The following CCDC157 variants were observed in gnomAD, a reference collection of about 807,000 sequenced individuals.
The protein encoded by CCDC157 is coiled-coil domain-containing protein 157.
A neutral mutation model predicts 70.9 loss-of-function variants in CCDC157; 60 were observed. The ratio of observed to expected loss-of-function variants is 0.85; its 90% CI spans 0.69 to 1.05. The LOEUF (loss-of-function observed/expected upper bound fraction) is 1.05, where lower values mean the gene tolerates loss of function less well. Ranked by LOEUF, CCDC157 falls within the 50% of genes least tolerant of loss-of-function variation. CCDC157 has a pLI of 0.00. For synonymous variants in CCDC157, 373 were observed against 422.4 expected, an observed-to-expected ratio of 0.88 and a Z score of 1.43; for missense variants, 943 against 984.2, an observed-to-expected ratio of 0.96 and a Z score of 0.56.
At chr22:30,375,188 A>AC in intron 9 of CCDC157, 1 of 336,538 alleles carries the variant, frequency 3.0e-6, no homozygotes, top group Non-Finnish European at 5.6e-6. Context: ...TGATCTCTTG[A>AC]CTTAATGATC....
chr22:30,358,423 T>G (rs1210188066), intron 1 of CCDC157, among the ~76,000 whole-genome samples: 1 of 152,230 alleles, frequency 6.6e-6, no homozygotes, highest in East Asian at 1.9e-4. Flanking sequence ...GTCTTATTCC[T>G]CTACTAGTGC....
Position 30,377,819 on chromosome 22 carries a change from AGC to A in CCDC157, c.*1075_*1076del. ...CTCAAGTCCAGGGGAAGGACCTCAC[AGC>A]TGAGTAGCTCTCTCAGGCGCCCACC... is the stretch of plus-strand genomic sequence containing the variant. On this transcript the variant is annotated 3_prime_UTR_variant, in exon 12 of 12. Transcript: ENST00000338306. The A allele has an allele frequency of 6.6e-6, 2 of 300,798 alleles. No homozygotes were observed. Among genetic ancestry groups the A allele is most frequent in the South Asian group, 2.9e-5 (1 of 34,966 alleles). The allele number at this position is 300,798 out of a possible 1,614,324, so 18.6% of individuals were successfully genotyped here.
chr22:30,375,823 AG>A, intron 10 of CCDC157, 160 bp downstream of exon 10: 1 of 659,626 alleles, frequency 1.5e-6, no homozygotes, highest in Admixed American at 3.1e-5. Flanking sequence ...AGAAGGCGTG[AG>A]GATGTTATGG....
rs757942184 is a variant in CCDC157, at chr22:30,370,790, C to T, written c.885C>T (p.Ala295=). 4.2e-5 allele frequency: 68 copies of T among 1,613,336 alleles called. No individual in the cohort carries two copies. The highest frequency in any genetic ancestry group is 5.3e-5 in the Non-Finnish European group (63 of 1,180,020). The change falls in exon 5 of 12, where the codon GCC becomes GCT. Residue 295 remains alanine, a synonymous_variant. Transcript: ENST00000338306. ...GTAAGCATGTGGAGGCCCTCAGGGC[C>T]CAGCTGGAGGAGGCTGAAGGGCAGA... is the stretch of plus-strand genomic sequence containing the variant. ...RLSKHVEALR[A]QLEEAEGQKD...
At position 30,378,325 on chromosome 22, in the gene CCDC157, T is replaced by C. The variant is rs558161160; in HGVS notation, c.*1580T>C. 1.9e-5 allele frequency: 6 copies of C among 318,558 alleles called. No homozygotes were observed. The highest frequency in any genetic ancestry group is 8.3e-5 in the East Asian group (1 of 11,992). The allele number at this position is 318,558 out of a possible 1,614,324, so 19.7% of individuals were successfully genotyped here. ...CTTGCTATAAGACAGAACCCAACCA[T>C]GGGCATAAAATCCCTTTGAGAAGCC... On this transcript the variant is annotated 3_prime_UTR_variant, in exon 12 of 12. Transcript: ENST00000338306.
rs1678718712 is a variant in CCDC157, at chr22:30,378,271, C to T, written c.*1526C>T. 1.2e-5 allele frequency: 5 copies of T among 414,564 alleles called. No homozygotes were observed. The Admixed American group carries it at 1.4e-4, about 11-fold the overall frequency. 25.7% of individuals were successfully genotyped at this position (414,564 alleles called of 1,614,324 possible). On this transcript the variant is annotated 3_prime_UTR_variant, in exon 12 of 12. Transcript: ENST00000338306. ...TCATGTGGTTAGGGCAAGGCTCACA[C>T]TCAAATACTTTCCCTATCTTCAGGT... is the stretch of plus-strand genomic sequence containing the variant.
rs4820838 is a variant in CCDC157, at chr22:30,373,912, G to T, written c.1504-11G>T. On this transcript the variant is annotated splice_polypyrimidine_tract_variant and intron_variant, in intron 8 of 11. Transcript: ENST00000338306. ...ACTCAGGAGCCAGGCCTGAGCCTCC[G>T]TCTGTCCCAGGAGCTGCTGCAGAGC... 2 of 1,602,350 alleles carry T rather than the reference G, an allele frequency of 1.2e-6. No individual in the cohort carries two copies. Among genetic ancestry groups the T allele is most frequent in the South Asian group, 1.1e-5 (1 of 89,054 alleles).
rs141865302 is a variant in CCDC157, at chr22:30,366,244, G to A, written c.244G>A (p.Asp82Asn). 1.1e-5 allele frequency: 18 copies of A among 1,613,636 alleles called. No homozygotes were observed. In the Middle Eastern group the frequency reaches 9.9e-4, roughly 89 times the overall value. ...TGCCGTGCTGCTGGAGCTGGTCATC[G>A]ACAGGTGAGGGCCTTGACCAAGCCT... ...SHAVLLELVI[D>N]RLLLLLQSCM... Residue 82 changes from aspartate to asparagine, a missense_variant, in exon 3 of 12, where the codon GAC (aspartate) becomes AAC (asparagine). Physicochemically the swap from Asp to Asn is conservative, Grantham distance 23 (BLOSUM62 1). Coordinates refer to ENST00000338306, the MANE Select transcript of CCDC157 (RefSeq NM_001017437.5).
intron 1 of CCDC157, among the ~76,000 whole-genome samples, chr22:30,360,008 G>A (rs577098562): frequency 2.0e-5 from 3 of 152,150 alleles, no homozygotes; most frequent in Non-Finnish European, 4.4e-5. Context: ...AGCCAGGTGC[G>A]GTGGCACCCA....
Position 30,372,189 on chromosome 22 carries a change from T to C in CCDC157, c.1238T>C (p.Val413Ala), listed in dbSNP as rs956098553. The C allele has an allele frequency of 3.1e-6, 5 of 1,589,018 alleles. No individual in the cohort carries two copies. Among genetic ancestry groups the C allele is most frequent in the Non-Finnish European group, 4.3e-6 (5 of 1,170,822 alleles). Residue 413 changes from valine to alanine, a missense_variant, in exon 7 of 12, where the codon GTG becomes GCG. Val to Ala is a moderately conservative substitution (Grantham distance 64). Transcript: ENST00000338306. ...QQLEAQVQLL[V>A]GRLEGAGQQV... Reference sequence around the variant, plus strand: ...TTGGAGGCGCAGGTGCAGCTGTTGGTGGGTCGGCTGGAGGGCGCTGGCCAG... The same window carrying C: ...TTGGAGGCGCAGGTGCAGCTGTTGGCGGGTCGGCTGGAGGGCGCTGGCCAG...
upstream of CCDC157, chr22:30,356,671 G>GCTCCTT: frequency 7.7e-7 from 1 of 1,304,368 alleles, no homozygotes; most frequent in Non-Finnish European, 1.0e-6. Flanking sequence ...ATTCCTGTGC[G>GCTCCTT]AGTAAGGAGC....
intron 1 of CCDC157, among the ~76,000 whole-genome samples, chr22:30,358,136 G>A (rs1932062126): frequency 6.6e-6 from 1 of 152,198 alleles, no homozygotes; most frequent in African/African-American, 2.4e-5. Flanking sequence ...CTCCGAACCT[G>A]TTCCTGGACT....
At chr22:30,366,505 C>T (rs1044766466) in intron 3 of CCDC157, 2 of 549,940 alleles carry the variant, frequency 3.6e-6, no homozygotes, top group African/African-American at 3.8e-5. Flanking sequence ...TCCATTCCAT[C>T]GGTCTCTGTG....
At chr22:30,356,861 C>T (rs1232379846), upstream of CCDC157, 2 of 1,237,698 alleles carry the variant, frequency 1.6e-6, no homozygotes, top group South Asian at 2.6e-5. Flanking sequence ...GACAGCCTCC[C>T]CGCTCGGTCA....
Position 30,366,117 on chromosome 22 carries a change from C to G in CCDC157, c.117C>G (p.Ser39=). 1 of 1,613,412 alleles carries G rather than the reference C, an allele frequency of 6.2e-7. No individual in the cohort carries two copies. The highest frequency in any genetic ancestry group is 8.5e-7 in the Non-Finnish European group (1 of 1,180,028). Residue 39 remains serine (S), a synonymous_variant, in exon 3 of 12, where the codon TCC becomes TCG. Transcript: ENST00000338306. ...FSRAGPVRFP[S]WKFPDRMACD... is the part of the protein sequence containing the mutation. ...GCGCCGGGCCTGTGCGCTTCCCCTCCTGGAAGTTCCCTGACCGCATGGCCT... is the reference window on the plus strand; with the variant it reads ...GCGCCGGGCCTGTGCGCTTCCCCTCGTGGAAGTTCCCTGACCGCATGGCCT...
intron 1 of CCDC157, among the ~76,000 whole-genome samples, chr22:30,359,844 C>G (rs1245554122): frequency 6.6e-6 from 1 of 152,178 alleles, no homozygotes; most frequent in African/African-American, 2.4e-5. Flanking sequence ...ATATTTTCCT[C>G]ACTCATTGCA....
chr22:30,373,318 G>T (rs1933076203), intron 7 of CCDC157: 1 of 471,104 alleles, frequency 2.1e-6, no homozygotes, highest in Non-Finnish European at 3.8e-6. Flanking sequence ...CTGGAAGGAA[G>T]TGGGGGTGAG....
intron 9 of CCDC157, chr22:30,374,888 G>A: frequency 3.2e-6 from 1 of 315,150 alleles, no homozygotes; most frequent in Non-Finnish European, 5.9e-6. Context: ...CACTTTGGCT[G>A]TAGCCTGTCC....
chr22:30,372,017 C>A, intron 6 of CCDC157, 58 bp from the exon 7 acceptor site: 1 of 1,177,806 alleles, frequency 8.5e-7, no homozygotes, highest in Non-Finnish European at 1.2e-6. Flanking sequence ...CGTCCTAGGT[C>A]TGAGGTAGTA....
Sources: gnomAD v4.1 joint callset for allele counts (sites outside exome capture counted in the v4.1 genomes callset) on GRCh38, gnomAD v4.1.1 for gene constraint, MANE v1.5 for transcripts, NCBI Gene and HGNC (gene_info 2026-07-23, HGNC 2026-07-21) for gene names.